The following SLC26A1 variants were observed in gnomAD, a reference collection of about 807,000 sequenced individuals.
SLC26A1 encodes sulfate anion transporter 1.
In SLC26A1, 18 loss-of-function variants were observed where a neutral mutation model predicts 14.5. That is an observed-to-expected ratio of 1.24 (90% CI 0.86 to 1.84). SLC26A1 has a LOEUF of 1.84. Ranked by LOEUF, SLC26A1 falls within the 40% of genes most tolerant of loss-of-function variation. SLC26A1 has a pLI of 0.00. For missense variants in SLC26A1, 1,049 were observed against 1,020.0 expected, an observed-to-expected ratio of 1.03 and a Z score of -0.39; for synonymous variants, 505 against 492.0, an observed-to-expected ratio of 1.03 and a Z score of -0.35.
rs139866800 is a variant in SLC26A1, at chr4:988,870, C to T, written c.2069G>A (p.Arg690His). Residue 690 changes from arginine to histidine, a missense_variant, in exon 3 of 3, where the codon CGC (arginine) becomes CAC (histidine). Coordinates refer to ENST00000398516, the MANE Select transcript of SLC26A1 (RefSeq NM_022042.4). ...VHDAVQTARA[R>H]HRELEATDAH... ...ATCGGTGGCCTCCAGCTCCCTGTGG[C>T]GGGCTCGTGCTGTCTGCACGGCATC... 2.9e-5 allele frequency: 47 copies of T among 1,596,102 alleles called. No individual in the cohort carries two copies. Among genetic ancestry groups the T allele is most frequent in the African/African-American group, 2.0e-4 (15 of 74,558 alleles).
At position 990,684 on chromosome 4, in the gene SLC26A1, C is replaced by T. The variant is rs1049229290; in HGVS notation, c.577-322G>A. ...TCTGGTATCAGAAGGCAACCCCTTC[C>T]TGCTGCTTCCTACACATGGTGCCCA... On this transcript the variant is annotated intron_variant, in intron 2 of 2. Transcript: ENST00000398516. 4 of 438,812 alleles carry T rather than the reference C, an allele frequency of 9.1e-6. No homozygotes were observed. In the Admixed American group the frequency reaches 1.6e-4, roughly 18 times the overall value. The allele number at this position is 438,812 out of a possible 1,614,324, so 27.2% of individuals were successfully genotyped here.
chr4:990,393 C>T (rs1287743787), intron 2 of SLC26A1, 31 bp from the exon 3 acceptor site: 24 of 1,541,974 alleles, frequency 1.6e-5, no homozygotes, highest in Admixed American at 8.0e-5. Flanking sequence ...GGCCAGCAGG[C>T]GCCTGGCGGG....
downstream of SLC26A1, chr4:987,231 C>A: frequency 6.6e-7 from 1 of 1,509,400 alleles, no homozygotes; most frequent in Non-Finnish European, 8.8e-7. Context: ...TCTGGAGGAG[C>A]ACAGGCTTCT....
downstream of SLC26A1, among the ~76,000 whole-genome samples, chr4:984,396 A>T (rs1244563487): frequency 6.6e-6 from 1 of 152,216 alleles, no homozygotes; most frequent in Non-Finnish European, 1.5e-5. Context: ...TGTAATCTAA[A>T]TTTATTGTTT....
chr4:988,675 T>A lies in SLC26A1; in HGVS notation c.*158A>T. 2 of 1,414,832 alleles carry A rather than the reference T, an allele frequency of 1.4e-6. No homozygotes were observed. 87.6% of individuals were successfully genotyped at this position (1,414,832 alleles called of 1,614,324 possible). On this transcript the variant is annotated 3_prime_UTR_variant, in exon 3 of 3. Transcript: ENST00000398516. The stretch of plus-strand genomic sequence containing the variant: ...TCCTGCGTGTGATCAGAGGGCCTCC[T>A]TTCCCAGTTGGGGTTCCCCGGTTTC...
rs1713847612 is a variant in SLC26A1, at chr4:987,727, G to A, written c.*1106C>T. The A allele has an allele frequency of 1.3e-6, 2 of 1,595,636 alleles. No individual in the cohort carries two copies. The highest frequency in any genetic ancestry group is 1.7e-6 in the Non-Finnish European group (2 of 1,172,224). ...AGCGCCTGGATCCTGCGCCCGGGCA[G>A]TCCTGGGCTTGAACGTGTGTGTCAG... On this transcript the variant is annotated 3_prime_UTR_variant, in exon 3 of 3. Transcript: ENST00000398516.
chr4:985,187 C>T (rs953977127), downstream of SLC26A1, among the ~76,000 whole-genome samples: 18 of 152,274 alleles, frequency 1.2e-4, no homozygotes, highest in African/African-American at 1.9e-4. Context: ...CCAGGCCCCC[C>T]GCCTGAGCCT....
intron 2 of SLC26A1, 93 bp downstream of exon 2, chr4:991,035 C>A: frequency 7.7e-7 from 1 of 1,295,420 alleles, no homozygotes; most frequent in Non-Finnish European, 1.0e-6. Flanking sequence ...CTCTGCCAAC[C>A]CTGTGCTTGC....
rs1432453248 is a variant in SLC26A1 at position 987,723 on chromosome 4, G to T, written c.*1110C>A. On this transcript the variant is annotated 3_prime_UTR_variant, in exon 3 of 3. Coordinates refer to ENST00000398516, the MANE Select transcript of SLC26A1 (RefSeq NM_022042.4). ...GGGCAGCGCCTGGATCCTGCGCCCGGGCAGTCCTGGGCTTGAACGTGTGTG... is the reference window on the plus strand; with the variant it reads ...GGGCAGCGCCTGGATCCTGCGCCCGTGCAGTCCTGGGCTTGAACGTGTGTG... 6.3e-6 allele frequency: 10 copies of T among 1,587,288 alleles called. No individual in the cohort carries two copies. The highest frequency in any genetic ancestry group is 2.0e-4 in the Middle Eastern group (1 of 5,018).
In SLC26A1 at chr4:987,780, G is replaced by A. The variant is rs754402488; in HGVS notation, c.*1053C>T. ...GCGCTGCCAGCCATGCTGAGGCTCG[G>A]GACTGAGCCGCCCCTTTGTTGTCCC... On this transcript the variant is annotated 3_prime_UTR_variant, in exon 3 of 3. Coordinates refer to ENST00000398516, the MANE Select transcript of SLC26A1 (RefSeq NM_022042.4). 4 of 1,611,376 alleles carry A rather than the reference G, an allele frequency of 2.5e-6. No homozygotes were observed. Among genetic ancestry groups the A allele is most frequent in the Non-Finnish European group, 3.4e-6 (4 of 1,179,614 alleles).
chr4:989,271 C>T lies in SLC26A1; in HGVS notation c.1668G>A (p.Gln556=), dbSNP rs376909897. ...LYYANKDFFL[Q]SLYSLTGLDA... is the part of the protein sequence containing the mutation. ...CCAGCCCCGTGAGGCTGTAGAGTGA[C>T]TGCAGGAAGAAGTCCTTGTTGGCAT... The change falls in exon 3 of 3, where the codon CAG becomes CAA. Residue 556 remains glutamine, a synonymous_variant. Transcript: ENST00000398516. 2.9e-5 allele frequency: 47 copies of T among 1,612,610 alleles called. No individual in the cohort carries two copies. The highest frequency in any genetic ancestry group is 3.6e-5 in the Non-Finnish European group (42 of 1,179,896).
rs767172598 is a variant in SLC26A1, at chr4:988,362, AC to A, written c.*470del. ...GGGGGAGGCACGAGGTGTGAGGGGCACTTGGGTGTGTGGGGCCTTCTGGAAA... is the reference window on the plus strand; with the variant it reads ...GGGGGAGGCACGAGGTGTGAGGGGCATTGGGTGTGTGGGGCCTTCTGGAAA... On this transcript the variant is annotated 3_prime_UTR_variant, in exon 3 of 3. Transcript: ENST00000398516. The A allele has an allele frequency of 9.3e-7, 1 of 1,071,218 alleles. No homozygotes were observed. Among genetic ancestry groups the A allele is most frequent in the Non-Finnish European group, 1.1e-6 (1 of 883,660 alleles). The allele number at this position is 1,071,218 out of a possible 1,614,324, so 66.4% of individuals were successfully genotyped here.
intron 2 of SLC26A1, among the ~76,000 whole-genome samples, chr4:981,836 G>A (rs1462114378): frequency 6.7e-6 from 1 of 148,924 alleles, no homozygotes; most frequent in Non-Finnish European, 1.5e-5. Flanking sequence ...TTCTTTTTGA[G>A]ACGGAGTCTC....
intron 1 of SLC26A1, 174 bp from the exon 2 acceptor site, chr4:991,904 G>A (rs1714381434): frequency 1.7e-6 from 2 of 1,143,488 alleles, no homozygotes; most frequent in Non-Finnish European, 2.5e-6. Flanking sequence ...GGTATGGATG[G>A]ACGCTGGGCC....
Position 990,071 on chromosome 4 carries a change from C to T in SLC26A1, c.868G>A (p.Val290Met), listed in dbSNP as rs201112323. The change falls in exon 3 of 3, where the codon GTG becomes ATG. Residue 290 changes from valine (V) to methionine (M), a missense_variant. By Grantham distance (21) the Val-to-Met change is conservative (BLOSUM62 1). Coordinates refer to ENST00000398516, the MANE Select transcript of SLC26A1 (RefSeq NM_022042.4). ...ACCAGCAGCTCCGTGGGCAGCGGCACCCTCAGGCGGTGTCGGTAGCGGTCT... is the reference window on the plus strand; with the variant it reads ...ACCAGCAGCTCCGTGGGCAGCGGCATCCTCAGGCGGTGTCGGTAGCGGTCT... ...LSDRYRHRLR[V>M]PLPTELLVIV... The T allele has an allele frequency of 1.4e-4, 217 of 1,601,354 alleles. No homozygotes were observed. The highest frequency in any genetic ancestry group is 1.2e-5 in the Non-Finnish European group (14 of 1,176,048).
Position 989,627 on chromosome 4 carries a change from G to A in SLC26A1, c.1312C>T (p.Gln438Ter). 2 of 1,599,684 alleles carry A rather than the reference G, an allele frequency of 1.3e-6. No individual in the cohort carries two copies. Among genetic ancestry groups the A allele is most frequent in the Non-Finnish European group, 1.7e-6 (2 of 1,174,676 alleles). The part of the protein sequence containing the change: ...LALAPLFHDL[Q>*]RSVLACVIVV... ...ATGACGCAGGCCAGCACGCTTCGCT[G>A]TAGGTCGTGGAACAGCGGTGCCAGC... The change falls in exon 3 of 3, where the codon CAG becomes TAG. Residue 438 changes from glutamine (Q) to a stop codon, truncating the protein, a stop_gained. Transcript: ENST00000398516. LOFTEE classifies it low-confidence loss of function (END_TRUNC).
downstream of SLC26A1, among the ~76,000 whole-genome samples, chr4:984,529 G>A (rs554279722): frequency 6.6e-6 from 1 of 152,262 alleles, no homozygotes; most frequent in Admixed American, 6.5e-5. Flanking sequence ...TCATTGAGTC[G>A]TTTAATAATT....
rs1193510528 is a variant in SLC26A1, at chr4:991,243, T to C, written c.461A>G (p.Gln154Arg). The change falls in exon 2 of 3, where the codon CAG becomes CGG. Residue 154 changes from glutamine to arginine, a missense_variant. Coordinates refer to ENST00000398516, the MANE Select transcript of SLC26A1 (RefSeq NM_022042.4). ...GAGGGTGCTGCTGTTGGCTCCGGGC[T>C]GCAGGCCGTCCTGGGAGGGGTCAAA... ...AGFDPSQDGL[Q>R]PGANSSTLNG... is the part of the protein sequence containing the mutation. The C allele has an allele frequency of 1.2e-6, 2 of 1,611,840 alleles. No homozygotes were observed. The highest frequency in any genetic ancestry group is 2.2e-5 in the East Asian group (1 of 44,860).
rs140876735 is a variant in SLC26A1 at position 989,787 on chromosome 4, G to C, written c.1152C>G (p.Asn384Lys). ...NQELLAVGCC[N>K]VLPAFLHCFA... ...AGCAGTGGAGGAAGGCGGGTAGCAC[G>C]TTGCAGCAGCCCACAGCCAGCAGCT... is the stretch of plus-strand genomic sequence containing the variant. Residue 384 changes from asparagine (N) to lysine (K), a missense_variant, in exon 3 of 3, where the codon AAC becomes AAG. By Grantham distance (94) the Asn-to-Lys change is moderately conservative. Transcript: ENST00000398516. The C allele has an allele frequency of 6.4e-7, 1 of 1,569,310 alleles. No individual in the cohort carries two copies. The highest frequency in any genetic ancestry group is 8.6e-7 in the Non-Finnish European group (1 of 1,158,020).
Sources: allele counts gnomAD v4.1 joint callset (sites outside exome capture counted in the v4.1 genomes callset), GRCh38; gene constraint gnomAD v4.1.1; transcripts MANE v1.5; gene names NCBI Gene and HGNC (gene_info 2026-07-23, HGNC 2026-07-21).